Variants in KCNIP4 observed in about 807,000 individuals in gnomAD.
KCNIP4 encodes potassium voltage-gated channel interacting protein 4.
KCNIP4 carries 12 observed loss-of-function variants against 34.0 expected under a neutral mutation model. That is an observed-to-expected ratio of 0.35 (90% CI 0.23 to 0.57). The LOEUF is 0.57. Among genes scored for constraint, KCNIP4 ranks in the 20% least tolerant of loss-of-function variants. The pLI, the probability that KCNIP4 is intolerant of heterozygous loss-of-function variation, is 0.83. For synonymous variants in KCNIP4, 124 were observed against 102.2 expected, an observed-to-expected ratio of 1.21 and a Z score of -1.29; for missense variants, 238 against 311.7, an observed-to-expected ratio of 0.76 and a Z score of 1.78.
At chr4:21,357,650 A>G (rs548521079) in intron 1 of KCNIP4, among the ~76,000 whole-genome samples, 1 of 152,364 alleles carries the variant, frequency 6.6e-6, no homozygotes, top group Admixed American at 6.5e-5. Flanking sequence ...AATGGTGATC[A>G]TTGAAAGGTC....
At chr4:20,956,287 G>A (rs1028547537) in intron 1 of KCNIP4, among the ~76,000 whole-genome samples, 6 of 152,048 alleles carry the variant, frequency 3.9e-5, no homozygotes, top group African/African-American at 9.7e-5. Flanking sequence ...GGTGGATCAC[G>A]AGGTCAGGAG....
At chr4:20,878,174 A>G (rs1724271264) in intron 2 of KCNIP4, among the ~76,000 whole-genome samples, 1 of 152,076 alleles carries the variant, frequency 6.6e-6, no homozygotes, top group Non-Finnish European at 1.5e-5. Flanking sequence ...TTTTTTAGTC[A>G]TTCTATGTAC....
At chr4:21,386,583 G>A (rs1035517239) in intron 1 of KCNIP4, among the ~76,000 whole-genome samples, 2 of 152,156 alleles carry the variant, frequency 1.3e-5, no homozygotes, top group Non-Finnish European at 2.9e-5. Context: ...AGTCACACAT[G>A]TGTTTGGCAA....
At chr4:21,128,129 C>T (rs1212890025) in intron 1 of KCNIP4, among the ~76,000 whole-genome samples, 6 of 152,142 alleles carry the variant, frequency 3.9e-5, no homozygotes, top group Non-Finnish European at 7.4e-5. Context: ...CAGCCTTGTT[C>T]AATCATTGAT....
At chr4:20,972,169 T>C (rs1213760615) in intron 1 of KCNIP4, among the ~76,000 whole-genome samples, 4 of 152,238 alleles carry the variant, frequency 2.6e-5, no homozygotes, top group Non-Finnish European at 5.9e-5. Flanking sequence ...AAATCATTCA[T>C]GAGAGTTGAA....
At chr4:21,116,243 G>A (rs190074319) in intron 1 of KCNIP4, among the ~76,000 whole-genome samples, 122 of 152,262 alleles carry the variant, frequency 8.0e-4, no homozygotes, top group African/African-American at 2.8e-3. Flanking sequence ...TTAATTAGTC[G>A]CATCCTTGAC....
At chr4:21,077,139 A>C (rs1308280378) in intron 1 of KCNIP4, among the ~76,000 whole-genome samples, 1 of 151,924 alleles carries the variant, frequency 6.6e-6, no homozygotes, top group Non-Finnish European at 1.5e-5. Flanking sequence ...AATAAAATAA[A>C]ATAAATTAAA....
chr4:21,215,002 T>A (rs957571418), intron 1 of KCNIP4, among the ~76,000 whole-genome samples: 3 of 152,168 alleles, frequency 2.0e-5, no homozygotes, highest in Non-Finnish European at 4.4e-5. Context: ...ATATCAGACA[T>A]GCAGTGTTCA....
At chr4:21,718,164 G>A (rs1463045102) in intron 1 of KCNIP4, among the ~76,000 whole-genome samples, 1 of 152,130 alleles carries the variant, frequency 6.6e-6, no homozygotes, top group Non-Finnish European at 1.5e-5. Flanking sequence ...TTCAATAAAG[G>A]AGTATGTGTG....
chr4:21,455,842 T>TAACTAATTTTTTACAGAATGA (rs1728914789), intron 1 of KCNIP4, among the ~76,000 whole-genome samples: 1 of 98,496 alleles, frequency 1.0e-5, no homozygotes, highest in African/African-American at 4.8e-5. Context: ...TATATATATA[T>TAACTAATTTTTTACAGAATGA]ATATATATAT....
rs1760476395 is a variant in KCNIP4 at position 21,248,807 on chromosome 4, A to T, written c.62-366098T>A. 2.0e-5 allele frequency among the ~76,000 whole-genome samples: 3 copies of T among 152,188 alleles called. No individual in the cohort carries two copies. The South Asian group carries it at 6.2e-4, about 32-fold the overall frequency. On this transcript the variant is annotated intron_variant, in intron 1 of 8. Coordinates refer to ENST00000382152, the MANE Select transcript of KCNIP4 (RefSeq NM_025221.6). ...TACTCCTAAGTACTATTATTGTTCA[A>T]ATTCAGCTAGAAAACTGAGACTCAC...
chr4:21,313,742 T>G (rs1474708706), intron 1 of KCNIP4, among the ~76,000 whole-genome samples: 2 of 152,182 alleles, frequency 1.3e-5, no homozygotes, highest in African/African-American at 2.4e-5. Flanking sequence ...ATGTTAAGTT[T>G]ATTATGAGCA....
chr4:21,521,458 T>C (rs992734282), intron 1 of KCNIP4, among the ~76,000 whole-genome samples: 4 of 152,136 alleles, frequency 2.6e-5, no homozygotes, highest in African/African-American at 7.2e-5. Context: ...TCTCTCTACT[T>C]GGAGGCTTCA....
At chr4:20,939,722 C>T (rs1311394251) in intron 1 of KCNIP4, among the ~76,000 whole-genome samples, 1 of 152,150 alleles carries the variant, frequency 6.6e-6, no homozygotes, top group Admixed American at 6.5e-5. Context: ...TGCTTCTTAT[C>T]TGAATTGACT....
rs116426524 is a variant in KCNIP4 at position 21,184,801 on chromosome 4, A to G, written c.62-302092T>C. Among the ~76,000 whole-genome samples, 958 of 152,312 alleles carry G rather than the reference A, an allele frequency of 6.3e-3. 9 individuals are homozygous for G. The highest frequency in any genetic ancestry group is 0.022 in the African/African-American group (909 of 41,568). The stretch of plus-strand genomic sequence containing the variant: ...ACAGTGGTGATTCTTGGTGTTGTCA[A>G]TATGGCATATTTCAGTACTAGCTCT... On this transcript the variant is annotated intron_variant, in intron 1 of 8. Transcript: ENST00000382152.
chr4:21,169,158 T>TTTG (rs560732165), intron 1 of KCNIP4, among the ~76,000 whole-genome samples: 7 of 152,060 alleles, frequency 4.6e-5, no homozygotes, highest in East Asian at 3.9e-4. Flanking sequence ...AAAACTCTAT[T>TTTG]TTGTTGTTGT....
intron 1 of KCNIP4, among the ~76,000 whole-genome samples, chr4:21,331,796 C>A (rs542664224): frequency 9.2e-4 from 140 of 152,062 alleles, no homozygotes; most frequent in South Asian, 2.5e-3. Flanking sequence ...AATCTTTAGA[C>A]GTTTATCAGT....
At chr4:21,907,646 A>G (rs985184866) in intron 1 of KCNIP4, among the ~76,000 whole-genome samples, 3 of 152,152 alleles carry the variant, frequency 2.0e-5, no homozygotes, top group Non-Finnish European at 4.4e-5. Context: ...AACGAATTCA[A>G]TAAATTACAC....
intron 1 of KCNIP4, among the ~76,000 whole-genome samples, chr4:21,132,853 CAAA>C (rs71189683): frequency 0.027 from 3,166 of 116,628 alleles, 49 homozygotes; most frequent in South Asian, 0.04. Flanking sequence ...TACTAAACGA[CAAA>C]AAAAAAAAAA....
Sources: allele counts gnomAD v4.1 joint callset (sites outside exome capture counted in the v4.1 genomes callset), GRCh38; gene constraint gnomAD v4.1.1; transcripts MANE v1.5; gene names NCBI Gene and HGNC (gene_info 2026-07-23, HGNC 2026-07-21).